The following PHLDB1 variants were observed in gnomAD, a reference collection of about 807,000 sequenced individuals.
PHLDB1 encodes pleckstrin homology like domain family B member 1, also known as pleckstrin homology-like domain family B member 1.
A neutral mutation model predicts 139.3 loss-of-function variants in PHLDB1; 65 were observed. The ratio of observed to expected loss-of-function variants is 0.47; its 90% confidence interval spans 0.38 to 0.57. The LOEUF is 0.57. Ranked by LOEUF, PHLDB1 falls within the 20% of genes least tolerant of loss-of-function variation. PHLDB1 has a pLI of 0.00. For synonymous variants in PHLDB1, 679 were observed against 734.5 expected (o/e 0.92, Z 1.22); for missense variants, 1,624 against 1,839.7 (o/e 0.88, Z 2.14).
intron 5 of PHLDB1, among the ~76,000 whole-genome samples, 196 bp downstream of exon 5, chr11:118,625,255 C>T (rs1283998446): frequency 3.3e-5 from 5 of 152,204 alleles, no homozygotes; most frequent in African/African-American, 1.2e-4. Flanking sequence ...TGCTGCTTAG[C>T]TAAAATTGGG....
intron 1 of PHLDB1, among the ~76,000 whole-genome samples, chr11:118,607,912 T>C (rs1294657266): frequency 6.6e-6 from 1 of 151,974 alleles, no homozygotes; most frequent in African/African-American, 2.4e-5. Context: ...CCTCTTGCTT[T>C]TGCCTTCCTC....
intron 2 of PHLDB1, 122 bp from the exon 3 acceptor site, chr11:118,614,437 T>A: frequency 1.9e-6 from 2 of 1,065,906 alleles, no homozygotes; most frequent in Non-Finnish European, 1.4e-6. Context: ...GTGCTAAGCC[T>A]TTCAGCACCC....
intron 4 of PHLDB1, among the ~76,000 whole-genome samples, chr11:118,622,597 G>T (rs1250188090): frequency 2.0e-5 from 3 of 152,102 alleles, no homozygotes; most frequent in Non-Finnish European, 2.9e-5. Flanking sequence ...GTGGGCCTGG[G>T]ACTGCTGGGC....
At chr11:118,631,160 G>A (rs782553396) in intron 6 of PHLDB1, 47 bp from the exon 7 acceptor site, 13 of 1,372,482 alleles carry the variant, frequency 9.5e-6, no homozygotes, top group Admixed American at 3.0e-5. Flanking sequence ...TCCCCACCAG[G>A]GCTCAGCTTC....
chr11:118,635,684 T>C (rs483283), intron 10 of PHLDB1, 136 bp downstream of exon 10: 236,852 of 748,074 alleles, frequency 0.32, 40,064 homozygotes, highest in East Asian at 0.48. Flanking sequence ...TTACAACAGG[T>C]TGTTGTGAGA....
Position 118,628,104 on chromosome 11 carries a change from A to G in PHLDB1, c.1281A>G (p.Arg427=), listed in dbSNP as rs782612481. The change falls in exon 6 of 23, where the codon CGA becomes CGG. Residue 427 remains arginine (R), a synonymous_variant. Coordinates refer to ENST00000600882, the MANE Select transcript of PHLDB1 (RefSeq NM_001144758.3). ...TTSPSRQLVG[R]TFSDGLATRT... The stretch of plus-strand genomic sequence containing the variant: ...GCCCCTCACGCCAACTGGTGGGCCG[A>G]ACATTTTCAGATGGGTTAGCCACCC... 1 of 1,613,966 alleles carries G rather than the reference A, an allele frequency of 6.2e-7. No individual in the cohort carries two copies. The highest frequency in any genetic ancestry group is 1.7e-5 in the Admixed American group (1 of 60,028).
rs139206588 is a variant in PHLDB1, at chr11:118,610,511, A to G, written c.-22+2812A>G. On this transcript the variant is annotated intron_variant, in intron 1 of 22. Coordinates refer to ENST00000600882, the MANE Select transcript of PHLDB1 (RefSeq NM_001144758.3). This position sits in a 1 kb window ranked among gnomAD's most constrained non-coding sequence, Gnocchi z 8.7. ...ACCGCTTGGGCCGAGGCCGAGGCCG[A>G]CCCCCAGGGACACAGGTGAGGCCGG... is the stretch of plus-strand genomic sequence containing the variant. 0.015 allele frequency: 14,457 copies of G among 967,708 alleles called. 196 individuals are homozygous for G. The highest frequency in any genetic ancestry group is 0.023 in the Admixed American group (378 of 16,238). The allele number at this position is 967,708 out of a possible 1,614,324, so 59.9% of individuals were successfully genotyped here.
In PHLDB1 at chr11:118,610,493, GGGCCGA is replaced by G; in HGVS notation, c.-22+2807_-22+2812del. ...CTCTGGCCACAGCCATGCACCGCTT[GGGCCGA>G]GGCCGAGGCCGACCCCCAGGGACAC... On this transcript the variant is annotated intron_variant, in intron 1 of 22. Coordinates refer to ENST00000600882, the MANE Select transcript of PHLDB1 (RefSeq NM_001144758.3). The surrounding 1 kb of genome is among the most constrained non-coding windows in gnomAD (Gnocchi z 8.7). 22 of 982,326 alleles carry G rather than the reference GGGCCGA, an allele frequency of 2.2e-5. No individual in the cohort carries two copies. The highest frequency in any genetic ancestry group is 2.4e-5 in the Non-Finnish European group (20 of 827,062). The allele number at this position is 982,326 out of a possible 1,614,324, so 60.9% of individuals were successfully genotyped here. A position where few individuals can be genotyped will look rare whatever the true frequency, so the allele number is the denominator to read the frequency against.
intron 17 of PHLDB1, chr11:118,646,513 C>T (rs1947563233): frequency 6.6e-6 from 1 of 152,288 alleles, no homozygotes; most frequent in African/African-American, 2.4e-5. Flanking sequence ...TTAGGAAAAG[C>T]AGGAACTATG....
intron 4 of PHLDB1, among the ~76,000 whole-genome samples, chr11:118,617,266 A>C (rs1272985659): frequency 6.6e-6 from 1 of 152,126 alleles, no homozygotes; most frequent in Non-Finnish European, 1.5e-5. Context: ...AAAGGCTAAC[A>C]GCAGGACAGG....
Position 118,645,516 on chromosome 11 carries a change from C to T in PHLDB1, c.3282C>T (p.His1094=). Residue 1094 remains histidine, a synonymous_variant, in exon 16 of 23, where the codon CAC becomes CAT. Transcript: ENST00000600882. This position sits in a 1 kb window ranked among gnomAD's most constrained non-coding sequence, Gnocchi z 5.1. ...TCATGCACCACTCTATCCTACACCACCTGCCTGCGGGGCGGGAGCGTGGGG... is the reference window on the plus strand; with the variant it reads ...TCATGCACCACTCTATCCTACACCATCTGCCTGCGGGGCGGGAGCGTGGGG... ...PPLMHHSILH[H]LPAGRERGEE... 7 of 1,612,858 alleles carry T rather than the reference C, an allele frequency of 4.3e-6. No individual in the cohort carries two copies. Among genetic ancestry groups the T allele is most frequent in the Non-Finnish European group, 5.9e-6 (7 of 1,179,426 alleles).
chr11:118,648,001 G>C lies in PHLDB1; in HGVS notation c.3579G>C (p.Arg1193Ser). 1 of 1,610,398 alleles carries C rather than the reference G, an allele frequency of 6.2e-7. No individual in the cohort carries two copies. Among genetic ancestry groups the C allele is most frequent in the Non-Finnish European group, 8.5e-7 (1 of 1,178,166 alleles). The change falls in exon 18 of 23, where the codon AGG becomes AGC. Residue 1193 changes from arginine (R) to serine (S), a missense_variant. By Grantham distance (110) the Arg-to-Ser change is moderately radical. Transcript: ENST00000600882. ...ERRRREQVER[R>S]LQSESARRQQ... ...GGAGGCGTGAGCAGGTAGAACGGAG[G>C]CTGCAGAGTGAGAGTGCCCGGAGGC... is the stretch of plus-strand genomic sequence containing the variant.
Position 118,625,022 on chromosome 11 carries a change from G to A in PHLDB1, c.444G>A (p.Gly148=). The change falls in exon 5 of 23, where the codon GGG becomes GGA. Residue 148 remains glycine, a synonymous_variant. Coordinates refer to ENST00000600882, the MANE Select transcript of PHLDB1 (RefSeq NM_001144758.3). The stretch of plus-strand genomic sequence containing the variant: ...GGATGAAAAGCATGATTCCAGCAGG[G>A]GGCCGAGCCCCTGGGCCCCCCTACA... ...AKWMKSMIPA[G]GRAPGPPYSP... is the part of the protein sequence containing the mutation. The A allele has an allele frequency of 1.9e-6, 3 of 1,613,498 alleles. No individual in the cohort carries two copies. Among genetic ancestry groups the A allele is most frequent in the East Asian group, 2.2e-5 (1 of 44,876 alleles).
rs782786071 is a variant in PHLDB1 at position 118,645,341 on chromosome 11, C to G, written c.3122-15C>G. 22 of 1,508,050 alleles carry G rather than the reference C, an allele frequency of 1.5e-5. No individual in the cohort carries two copies. Among genetic ancestry groups the G allele is most frequent in the Admixed American group, 2.3e-5 (1 of 43,820 alleles). 93.4% of individuals were successfully genotyped at this position (1,508,050 alleles called of 1,614,324 possible). On this transcript the variant is annotated splice_polypyrimidine_tract_variant and intron_variant, in intron 15 of 22. Coordinates refer to ENST00000600882, the MANE Select transcript of PHLDB1 (RefSeq NM_001144758.3). This position sits in a 1 kb window ranked among gnomAD's most constrained non-coding sequence, Gnocchi z 5.1. ...GTGGGGAGCCCACTGTGACTCCCAT[C>G]TGTCTCTCCTTCAGGACAACAAGTG...
chr11:118,627,130 T>C, intron 5 of PHLDB1, 175 bp from the exon 6 acceptor site: 1 of 614,922 alleles, frequency 1.6e-6, no homozygotes, highest in Non-Finnish European at 2.8e-6. Context: ...ACAAGTGACT[T>C]GGCTAAGGTT....
chr11:118,638,823 C>T, intron 10 of PHLDB1, 68 bp from the exon 11 acceptor site: 1 of 1,188,458 alleles, frequency 8.4e-7, no homozygotes, highest in Non-Finnish European at 1.2e-6. Context: ...GCAGGAGAGC[C>T]AGCTAGTTCT....
intron 1 of PHLDB1, 174 bp from the exon 2 acceptor site, chr11:118,613,642 C>T: frequency 1.7e-6 from 1 of 583,432 alleles, no homozygotes; most frequent in Non-Finnish European, 2.9e-6. Flanking sequence ...TGGCACTGCT[C>T]CCAGACAACT....
At position 118,645,564 on chromosome 11, in the gene PHLDB1, T is replaced by A. The variant is rs1555126822; in HGVS notation, c.3330T>A (p.Asp1110Glu). ...ERGEEGEHAY[D>E]TLSLESSDSM... ...GGGAGGAGGGTGAGCACGCCTATGATACGCTGAGTCTGGAGAGCTCTGACA... is the reference window on the plus strand; with the variant it reads ...GGGAGGAGGGTGAGCACGCCTATGAAACGCTGAGTCTGGAGAGCTCTGACA... The change falls in exon 16 of 23, where the codon GAT becomes GAA. Residue 1110 changes from aspartate to glutamate, a missense_variant. Asp to Glu is a conservative substitution (Grantham distance 45). Transcript: ENST00000600882. This position sits in a 1 kb window ranked among gnomAD's most constrained non-coding sequence, Gnocchi z 5.1. The A allele has an allele frequency of 6.2e-7, 1 of 1,613,766 alleles. No individual in the cohort carries two copies.
Position 118,620,067 on chromosome 11 carries a change from A to C in PHLDB1, c.355+3856A>C, listed in dbSNP as rs1449000921. Among the ~76,000 whole-genome samples the C allele has an allele frequency of 6.6e-6, 1 of 152,204 alleles. No individual in the cohort carries two copies. Among genetic ancestry groups the C allele is most frequent in the Non-Finnish European group, 1.5e-5 (1 of 68,032 alleles). ...CTGAGCAAGTGTTGGTGTGTATCTG[A>C]GAGACACTGTGTCAGGCTGTGTGAG... On this transcript the variant is annotated intron_variant, in intron 4 of 22. Transcript: ENST00000600882. The surrounding 1 kb of genome is among the most constrained non-coding windows in gnomAD (Gnocchi z 4.1).
Sources: gnomAD v4.1 joint callset for allele counts (sites outside exome capture counted in the v4.1 genomes callset) on GRCh38, gnomAD v4.1.1 for gene constraint, Gnocchi (gnomAD v3.1) non-coding constraint, MANE v1.5 for transcripts, NCBI Gene and HGNC (gene_info 2026-07-23, HGNC 2026-07-21) for gene names.